The following SPIN1 variants were observed in gnomAD, a reference collection of about 807,000 sequenced individuals.
SPIN1 encodes the protein spindlin 1.
Under a neutral mutation model 26.0 loss-of-function variants are expected in SPIN1, and 3 were observed. The observed-to-expected ratio is 0.12, with a 90% CI of 0.05 to 0.30. The LOEUF is 0.30. Ranked by LOEUF, SPIN1 falls within the 10% of genes least tolerant of loss-of-function variation. The pLI is 1.00. For missense variants in SPIN1, 126 were observed against 333.4 expected (o/e 0.38, Z 4.84); for synonymous variants, 101 against 116.5 (o/e 0.87, Z 0.86).
At chr9:88,428,734 A>G (rs1827807753) in intron 2 of SPIN1, among the ~76,000 whole-genome samples, 1 of 152,190 alleles carries the variant, frequency 6.6e-6, no homozygotes. Flanking sequence ...GGCATATGGC[A>G]TAGGCTTAAA....
intron 1 of SPIN1, chr9:88,389,304 A>T: frequency 6.6e-6 from 1 of 152,232 alleles, no homozygotes; most frequent in East Asian, 1.9e-4. Context: ...GTATTCGTCA[A>T]GGAATGTGTT....
At chr9:88,458,308 C>T (rs1828512897) in intron 3 of SPIN1, among the ~76,000 whole-genome samples, 1 of 151,908 alleles carries the variant, frequency 6.6e-6, no homozygotes. Flanking sequence ...ACAGCAAAGG[C>T]TAACTCTTAA....
At position 88,475,401 on chromosome 9, in the gene SPIN1, A is replaced by G. The variant is rs913106936; in HGVS notation, c.*124A>G. 22 of 981,872 alleles carry G rather than the reference A, an allele frequency of 2.2e-5. No homozygotes were observed. Among genetic ancestry groups the G allele is most frequent in the Non-Finnish European group, 3.0e-5 (20 of 664,616 alleles). 60.8% of individuals were successfully genotyped at this position (981,872 alleles called of 1,614,324 possible). A position where few individuals can be genotyped will look rare whatever the true frequency, so the allele number is the denominator to read the frequency against. ...TCCCTGCGAACCCACAATCTCTGCC[A>G]GCAGAACTGGTTTTGTTCTGAATAG... On this transcript the variant is annotated 3_prime_UTR_variant, in exon 6 of 6. Transcript: ENST00000375859.
chr9:88,393,369 A>C (rs1826974467), intron 1 of SPIN1, among the ~76,000 whole-genome samples: 1 of 150,652 alleles, frequency 6.6e-6, no homozygotes, highest in Non-Finnish European at 1.5e-5. Context: ...AAATCATATC[A>C]TATATTTGAA....
chr9:88,466,994 CCCA>C (rs1316819350), intron 4 of SPIN1, among the ~76,000 whole-genome samples: 1 of 152,164 alleles, frequency 6.6e-6, no homozygotes, highest in Non-Finnish European at 1.5e-5. Flanking sequence ...GCCTTGGACT[CCCA>C]AAGTGCTAGG....
chr9:88,396,635 C>T lies in SPIN1; in HGVS notation c.-159+8097C>T, dbSNP rs537996259. 5.3e-5 allele frequency among the ~76,000 whole-genome samples: 8 copies of T among 152,110 alleles called. No individual in the cohort carries two copies. In the East Asian group the frequency reaches 9.6e-4, roughly 18 times the overall value. ...AAACAGAAAAACTCTAAATGGCTTT[C>T]CAGTGCCTTAAGGACAAAAGTTTAT... On this transcript the variant is annotated intron_variant, in intron 1 of 5. Coordinates refer to ENST00000375859, the MANE Select transcript of SPIN1 (RefSeq NM_006717.3).
At chr9:88,402,527 T>C (rs974636285) in intron 1 of SPIN1, among the ~76,000 whole-genome samples, 4 of 150,872 alleles carry the variant, frequency 2.7e-5, no homozygotes, top group Non-Finnish European at 5.9e-5. Flanking sequence ...TTTTTTTTTT[T>C]ATAGCTCCCA....
At chr9:88,395,705 C>T (rs1827038474) in intron 1 of SPIN1, among the ~76,000 whole-genome samples, 1 of 151,864 alleles carries the variant, frequency 6.6e-6, no homozygotes, top group Non-Finnish European at 1.5e-5. Context: ...ACCTGGGCTT[C>T]CCAAAAAACT....
chr9:88,452,154 G>A (rs931775547), intron 3 of SPIN1, among the ~76,000 whole-genome samples: 5 of 152,060 alleles, frequency 3.3e-5, no homozygotes, highest in Non-Finnish European at 4.4e-5. Flanking sequence ...CAAAAGTGTC[G>A]TTGTACTCCT....
intron 1 of SPIN1, among the ~76,000 whole-genome samples, chr9:88,422,076 A>G (rs1222556698): frequency 6.6e-6 from 1 of 152,188 alleles, no homozygotes; most frequent in African/African-American, 2.4e-5. Flanking sequence ...GTAAAGCAGT[A>G]ACATTTTCCC....
At chr9:88,442,214 C>T (rs1247755625) in intron 2 of SPIN1, among the ~76,000 whole-genome samples, 1 of 151,790 alleles carries the variant, frequency 6.6e-6, no homozygotes, top group Non-Finnish European at 1.5e-5. Flanking sequence ...GTGAGAAAGG[C>T]TTTTATTTCT....
At chr9:88,427,549 T>C (rs1445743328) in intron 2 of SPIN1, among the ~76,000 whole-genome samples, 1 of 152,200 alleles carries the variant, frequency 6.6e-6, no homozygotes, top group Non-Finnish European at 1.5e-5. Flanking sequence ...CTTAGTCCTC[T>C]TGAGCCTTAG....
intron 2 of SPIN1, among the ~76,000 whole-genome samples, chr9:88,446,347 C>G (rs1239028781): frequency 2.0e-5 from 3 of 149,718 alleles, no homozygotes; most frequent in Non-Finnish European, 4.4e-5. Context: ...CAATGTGTTG[C>G]AAGTGGAAGG....
In SPIN1 at chr9:88,477,478, A is replaced by T. The variant is rs1828908787; in HGVS notation, c.*2201A>T. The T allele has an allele frequency of 1.3e-5, 2 of 152,218 alleles. No homozygotes were observed. Among genetic ancestry groups the T allele is most frequent in the South Asian group, 4.1e-4 (2 of 4,830 alleles). 9.4% of individuals were successfully genotyped at this position (152,218 alleles called of 1,614,324 possible). A position where few individuals can be genotyped will look rare whatever the true frequency, so the allele number is the denominator to read the frequency against. On this transcript the variant is annotated 3_prime_UTR_variant, in exon 6 of 6. Transcript: ENST00000375859. ...TGAATGCAACATGATGATGGTGATG[A>T]TGACGATGAGTTTAATCATTGTTCA... is the stretch of plus-strand genomic sequence containing the variant.
intron 1 of SPIN1, chr9:88,415,521 T>TCCTCCCACCCGAG (rs1460519947): frequency 6.6e-6 from 1 of 152,118 alleles, no homozygotes; most frequent in Non-Finnish European, 1.5e-5. Context: ...GCTTAAGTGA[T>TCCTCCCACCCGAG]CCTCCCACCC....
Position 88,475,064 on chromosome 9 carries a change from T to G in SPIN1, c.590-14T>G. 7.6e-7 allele frequency: 1 copy of G among 1,323,732 alleles called. No individual in the cohort carries two copies. Among genetic ancestry groups the G allele is most frequent in the Non-Finnish European group, 9.7e-7 (1 of 1,027,246 alleles). 82.0% of individuals were successfully genotyped at this position (1,323,732 alleles called of 1,614,324 possible). On this transcript the variant is annotated splice_polypyrimidine_tract_variant and intron_variant, in intron 5 of 5. Transcript: ENST00000375859. ...CTCTCTCTCTTTTTTTTTTTTTTTT[T>G]TTTTTTAATATAGATGATTCACCTC...
At chr9:88,451,185 G>A (rs1027618975) in intron 3 of SPIN1, among the ~76,000 whole-genome samples, 3 of 152,114 alleles carry the variant, frequency 2.0e-5, no homozygotes, top group African/African-American at 7.2e-5. Flanking sequence ...GAGTTGCAAG[G>A]AATAAGGGCC....
chr9:88,402,927 A>G (rs1049865856), intron 1 of SPIN1, among the ~76,000 whole-genome samples: 1 of 152,158 alleles, frequency 6.6e-6, no homozygotes, highest in Non-Finnish European at 1.5e-5. Flanking sequence ...ATCCCAGTGT[A>G]TAAGAGTTCC....
intron 3 of SPIN1, among the ~76,000 whole-genome samples, chr9:88,455,669 T>C (rs1828456237): frequency 2.6e-5 from 4 of 152,204 alleles, no homozygotes; most frequent in Admixed American, 2.6e-4. Flanking sequence ...TTTACACTTG[T>C]GGGTTTTTAA....
Sources: gnomAD v4.1 joint callset for allele counts (sites outside exome capture counted in the v4.1 genomes callset) on GRCh38, gnomAD v4.1.1 for gene constraint, MANE v1.5 for transcripts, NCBI Gene and HGNC (gene_info 2026-07-23, HGNC 2026-07-21) for gene names.